CNTN4: variants seen among roughly 807,000 people sequenced by gnomAD.
CNTN4 encodes the protein contactin-4.
Under a neutral mutation model 122.5 loss-of-function variants are expected in CNTN4, and 77 were observed. That is an observed-to-expected ratio of 0.63 (90% CI 0.52 to 0.76). The LOEUF (loss-of-function observed/expected upper bound fraction) is 0.76. CNTN4 is among the 30% of genes least tolerant of loss of function. CNTN4 has a pLI of 0.00. For synonymous variants in CNTN4, 512 were observed against 447.0 expected (o/e 1.15, Z -1.83); for missense variants, 1,256 against 1,259.1 (o/e 1.00, Z 0.04).
chr3:3,042,433 C>T lies in CNTN4; in HGVS notation c.2511+11C>T. 1.3e-6 allele frequency: 2 copies of T among 1,533,824 alleles called. No homozygotes were observed. The highest frequency in any genetic ancestry group is 1.1e-5 in the South Asian group (1 of 89,404). On this transcript the variant is annotated intron_variant, in intron 21 of 24. Coordinates refer to ENST00000418658, the MANE Select transcript of CNTN4 (RefSeq NM_175607.3). Reference sequence around the variant, plus strand: ...ATACAAGGTTATGAGGTAGGCAAGACATATGTGCCTTGGGTCTGAAAGAGA... The same window carrying T: ...ATACAAGGTTATGAGGTAGGCAAGATATATGTGCCTTGGGTCTGAAAGAGA...
intron 3 of CNTN4, among the ~76,000 whole-genome samples, chr3:2,373,268 C>T (rs767822506): frequency 6.6e-6 from 1 of 152,162 alleles, no homozygotes; most frequent in Non-Finnish European, 1.5e-5. Context: ...AGCACAGTTG[C>T]ACTCCTTGGG....
chr3:2,617,340 C>T (rs2081799796), intron 4 of CNTN4, among the ~76,000 whole-genome samples: 1 of 151,106 alleles, frequency 6.6e-6, no homozygotes, highest in African/African-American at 2.4e-5. Context: ...TATGAACAGA[C>T]ACTTCTCAAA....
At chr3:2,453,945 T>C (rs1318512424) in intron 3 of CNTN4, among the ~76,000 whole-genome samples, 1 of 118,964 alleles carries the variant, frequency 8.4e-6, no homozygotes, top group Non-Finnish European at 2.1e-5. Context: ...GAAAAGAAAA[T>C]CACACTTTCA....
intron 2 of CNTN4, among the ~76,000 whole-genome samples, chr3:2,265,368 G>C (rs1396085394): frequency 6.6e-6 from 1 of 152,062 alleles, no homozygotes; most frequent in Non-Finnish European, 1.5e-5. Context: ...TGAGTTGGCT[G>C]TAAGTACATG....
chr3:2,891,109 C>T (rs918423574), intron 10 of CNTN4, among the ~76,000 whole-genome samples: 1 of 152,012 alleles, frequency 6.6e-6, no homozygotes, highest in African/African-American at 2.4e-5. Flanking sequence ...CCAAAATGCA[C>T]TATTAAGCAA....
chr3:2,447,696 T>C (rs2048675616), intron 3 of CNTN4, among the ~76,000 whole-genome samples: 1 of 152,154 alleles, frequency 6.6e-6, no homozygotes, highest in Non-Finnish European at 1.5e-5. Flanking sequence ...TAAAAATGTA[T>C]ATACCTTATA....
intron 13 of CNTN4, among the ~76,000 whole-genome samples, chr3:2,930,351 G>T (rs911953920): frequency 6.6e-6 from 1 of 152,016 alleles, no homozygotes; most frequent in Non-Finnish European, 1.5e-5. Flanking sequence ...GTTTGGATTA[G>T]TAAGGCAAGC....
At chr3:2,807,821 T>C (rs1033088685) in intron 6 of CNTN4, among the ~76,000 whole-genome samples, 1 of 152,192 alleles carries the variant, frequency 6.6e-6, no homozygotes, top group African/African-American at 2.4e-5. Context: ...AGAGCATGGA[T>C]GCCAGGAAGT....
chr3:2,710,413 C>T (rs1370001073), intron 4 of CNTN4, among the ~76,000 whole-genome samples: 1 of 152,176 alleles, frequency 6.6e-6, no homozygotes, highest in African/African-American at 2.4e-5. Flanking sequence ...TTAATAGTGA[C>T]AGCTGCACCC....
chr3:2,929,084 T>C (rs1165744716), intron 13 of CNTN4, among the ~76,000 whole-genome samples: 13 of 152,228 alleles, frequency 8.5e-5, no homozygotes, highest in Admixed American at 8.5e-4. Context: ...AGCATTCTTC[T>C]TGGGTAAGCA....
At chr3:2,663,773 A>T (rs1385661628) in intron 4 of CNTN4, among the ~76,000 whole-genome samples, 1 of 152,242 alleles carries the variant, frequency 6.6e-6, no homozygotes, top group Non-Finnish European at 1.5e-5. Context: ...GAATGCATGC[A>T]TACAATGTGA....
chr3:2,248,668 A>G (rs1464590703), intron 2 of CNTN4, among the ~76,000 whole-genome samples: 1 of 152,002 alleles, frequency 6.6e-6, no homozygotes, highest in Non-Finnish European at 1.5e-5. Flanking sequence ...TTGGCCATTC[A>G]TCATATCTGG....
chr3:2,151,059 G>A (rs1464087360), intron 2 of CNTN4, among the ~76,000 whole-genome samples: 1 of 152,084 alleles, frequency 6.6e-6, no homozygotes, highest in Non-Finnish European at 1.5e-5. Context: ...ACAATAGCTA[G>A]TAAGCAAGTA....
chr3:2,477,170 T>A (rs1222796020), intron 3 of CNTN4, among the ~76,000 whole-genome samples: 1 of 152,210 alleles, frequency 6.6e-6, no homozygotes, highest in African/African-American at 2.4e-5. Context: ...GCAGCTGGCT[T>A]CTAAAGTAGC....
chr3:2,823,668 A>G (rs546605736), intron 7 of CNTN4, among the ~76,000 whole-genome samples: 2 of 152,332 alleles, frequency 1.3e-5, no homozygotes, highest in South Asian at 4.1e-4. Context: ...ACTGGGCACC[A>G]GGAATTCATG....
intron 4 of CNTN4, among the ~76,000 whole-genome samples, chr3:2,728,208 G>C (rs761917305): frequency 6.6e-6 from 1 of 152,162 alleles, no homozygotes; most frequent in African/African-American, 2.4e-5. Flanking sequence ...CACTCTTACA[G>C]TATTTCATTT....
chr3:2,361,932 A>G (rs1167011795), intron 3 of CNTN4, among the ~76,000 whole-genome samples: 2 of 152,350 alleles, frequency 1.3e-5, no homozygotes, highest in Non-Finnish European at 1.5e-5. Flanking sequence ...TAATATAGAT[A>G]CATGATTTAT....
intron 13 of CNTN4, among the ~76,000 whole-genome samples, chr3:2,940,946 T>G (rs6786174): frequency 0.092 from 14,018 of 152,180 alleles, 737 homozygotes; most frequent in Middle Eastern, 0.13. Context: ...CACATTGACT[T>G]TCCCACATAT....
At chr3:2,125,111 T>A (rs2034058620) in intron 2 of CNTN4, among the ~76,000 whole-genome samples, 1 of 152,124 alleles carries the variant, frequency 6.6e-6, no homozygotes. Flanking sequence ...GAACAATAAC[T>A]CTCCATTTTT....
Sources: allele counts gnomAD v4.1 joint callset (sites outside exome capture counted in the v4.1 genomes callset), GRCh38; gene constraint gnomAD v4.1.1; transcripts MANE v1.5; gene names NCBI Gene and HGNC (gene_info 2026-07-23, HGNC 2026-07-21).